Variants in KHDRBS2 observed in about 807,000 individuals in gnomAD.
The protein encoded by KHDRBS2 is KH RNA binding domain containing, signal transduction associated 2.
Under a neutral mutation model 44.3 loss-of-function variants are expected in KHDRBS2, and 26 were observed. The ratio of observed to expected loss-of-function variants is 0.59; its 90% CI spans 0.43 to 0.81. KHDRBS2 has a LOEUF of 0.81. KHDRBS2 is among the 40% of genes least tolerant of loss of function. The pLI is 0.00. For missense variants in KHDRBS2, 476 were observed against 433.1 expected (o/e 1.10, Z -0.88); for synonymous variants, 194 against 151.1 (o/e 1.28, Z -2.08).
At chr6:61,816,784 G>T (rs1276652032) in intron 6 of KHDRBS2, 1 of 368,656 alleles carries the variant, frequency 2.7e-6, no homozygotes, top group African/African-American at 2.1e-5. Flanking sequence ...TTCATTCAAG[G>T]TGACATTTAG....
chr6:61,710,880 TG>T (rs1369826497), intron 7 of KHDRBS2, among the ~76,000 whole-genome samples: 3 of 143,074 alleles, frequency 2.1e-5, no homozygotes, highest in Non-Finnish European at 4.6e-5. Context: ...ATAAGGATGT[TG>T]TGCGAAAAAT....
intron 1 of KHDRBS2, among the ~76,000 whole-genome samples, chr6:62,236,045 T>C (rs1251394311): frequency 6.6e-6 from 1 of 152,122 alleles, no homozygotes; most frequent in Non-Finnish European, 1.5e-5. Flanking sequence ...AAAATCAAAA[T>C]CGTTCATGGT....
At chr6:61,650,553 G>T in the KHDRBS2 span, among the ~76,000 whole-genome samples, 1 of 151,766 alleles carries the variant, frequency 6.6e-6, no homozygotes, top group African/African-American at 2.4e-5. Context: ...CTTTTTAAGG[G>T]TTAACGATGT....
the KHDRBS2 span, among the ~76,000 whole-genome samples, chr6:61,587,361 T>TTCTC: frequency 2.1e-5 from 2 of 96,116 alleles, no homozygotes; most frequent in Non-Finnish European, 4.6e-5. Context: ...CAGCTTTTTT[T>TTCTC]TATCTCTCTC....
chr6:62,112,674 G>A (rs1405487458), intron 2 of KHDRBS2, among the ~76,000 whole-genome samples: 1 of 152,054 alleles, frequency 6.6e-6, no homozygotes, highest in Admixed American at 6.6e-5. Flanking sequence ...ATTAAAGATG[G>A]TGAATTATTT....
chr6:61,663,499 C>CAATATATATATATATATATA, the KHDRBS2 span, among the ~76,000 whole-genome samples: 1 of 5,630 alleles, frequency 1.8e-4, no homozygotes, highest in Non-Finnish European at 3.1e-4. Flanking sequence ...GCATGAGACA[C>CAATATATATATATATATATA]CATATATATA....
At chr6:62,081,669 C>T (rs1354549227) in intron 2 of KHDRBS2, among the ~76,000 whole-genome samples, 1 of 152,040 alleles carries the variant, frequency 6.6e-6, no homozygotes, top group African/African-American at 2.4e-5. Context: ...GTTATTCAAA[C>T]CAGAACATAT....
chr6:61,723,538 G>T (rs964745253), intron 7 of KHDRBS2, among the ~76,000 whole-genome samples: 4 of 151,650 alleles, frequency 2.6e-5, no homozygotes, highest in South Asian at 2.1e-4. Flanking sequence ...AACAGAGAAA[G>T]ACTCCATCTC....
intron 4 of KHDRBS2, among the ~76,000 whole-genome samples, chr6:61,947,665 A>G (rs1207669179): frequency 3.3e-5 from 5 of 152,086 alleles, no homozygotes; most frequent in Non-Finnish European, 7.4e-5. Flanking sequence ...GGTTTTAAAT[A>G]AAGACATACA....
intron 2 of KHDRBS2, among the ~76,000 whole-genome samples, chr6:62,111,578 T>A (rs1008874337): frequency 6.6e-6 from 1 of 152,088 alleles, no homozygotes; most frequent in Non-Finnish European, 1.5e-5. Context: ...TCTAGTAGCA[T>A]CAAAGTTAAC....
At chr6:62,097,220 G>T (rs1584676223) in intron 2 of KHDRBS2, among the ~76,000 whole-genome samples, 2 of 151,864 alleles carry the variant, frequency 1.3e-5, no homozygotes, top group South Asian at 4.2e-4. Context: ...TGAGTAGAAT[G>T]TTCTGTATAG....
At chr6:61,684,549 C>T (rs1766623162) in intron 8 of KHDRBS2, among the ~76,000 whole-genome samples, 1 of 151,732 alleles carries the variant, frequency 6.6e-6, no homozygotes, top group Non-Finnish European at 1.5e-5. Context: ...TTTCTAGTCC[C>T]ATGGTGTGGT....
intron 7 of KHDRBS2, among the ~76,000 whole-genome samples, chr6:61,703,871 G>A (rs1028218578): frequency 6.6e-6 from 1 of 151,828 alleles, no homozygotes; most frequent in Non-Finnish European, 1.5e-5. Context: ...TCTCAGTACT[G>A]TTGTATTATC....
At chr6:62,009,505 G>A (rs6931539) in intron 3 of KHDRBS2, among the ~76,000 whole-genome samples, 3,553 of 152,308 alleles carry the variant, frequency 0.023, 136 homozygotes, top group African/African-American at 0.078. Flanking sequence ...GTAATGAGGA[G>A]CCGAATGTTA....
At chr6:62,062,285 A>G (rs1310031241) in intron 2 of KHDRBS2, among the ~76,000 whole-genome samples, 2 of 147,892 alleles carry the variant, frequency 1.4e-5, no homozygotes, top group Non-Finnish European at 3.0e-5. Flanking sequence ...GACCTAATAG[A>G]CGTCTACAGA....
At chr6:61,638,642 C>G in the KHDRBS2 span, among the ~76,000 whole-genome samples, 1 of 152,102 alleles carries the variant, frequency 6.6e-6, no homozygotes, top group Non-Finnish European at 1.5e-5. Flanking sequence ...CATATACTTT[C>G]TTTGATGACT....
At chr6:61,612,322 T>A in the KHDRBS2 span, among the ~76,000 whole-genome samples, 1 of 152,178 alleles carries the variant, frequency 6.6e-6, no homozygotes, top group South Asian at 2.1e-4. Flanking sequence ...TTTATAAAAC[T>A]GTGGTTGAAA....
intron 6 of KHDRBS2, among the ~76,000 whole-genome samples, chr6:61,824,790 T>A (rs1335043124): frequency 1.3e-5 from 2 of 152,188 alleles, no homozygotes; most frequent in African/African-American, 4.8e-5. Context: ...ATTCAGTTGT[T>A]AAATTGATTG....
intron 6 of KHDRBS2, among the ~76,000 whole-genome samples, chr6:61,790,089 T>C (rs1314133071): frequency 6.6e-6 from 1 of 151,508 alleles, no homozygotes; most frequent in Non-Finnish European, 1.5e-5. Context: ...AGACATTTTA[T>C]ATCCAGAGCA....
Sources: gnomAD v4.1 joint callset for allele counts (sites outside exome capture counted in the v4.1 genomes callset) on GRCh38, gnomAD v4.1.1 for gene constraint, MANE v1.5 for transcripts, NCBI Gene and HGNC (gene_info 2026-07-23, HGNC 2026-07-21) for gene names.